The following PPP3CA variants were observed in gnomAD, a reference collection of about 807,000 sequenced individuals.
PPP3CA encodes the protein protein phosphatase 3 catalytic subunit alpha.
Under a neutral mutation model 66.5 loss-of-function variants are expected in PPP3CA, and 14 were observed. That is an observed-to-expected ratio of 0.21 (90% CI 0.14 to 0.33). The LOEUF (loss-of-function observed/expected upper bound fraction) is 0.33. Among genes scored for constraint, PPP3CA ranks in the 10% least tolerant of loss-of-function variants. PPP3CA has a pLI of 1.00. For synonymous variants in PPP3CA, 232 were observed against 226.2 expected (o/e 1.03, Z -0.23); for missense variants, 317 against 639.5 (o/e 0.50, Z 5.44).
At chr4:101,136,958 G>A (rs916750352) in intron 2 of PPP3CA, among the ~76,000 whole-genome samples, 4 of 152,052 alleles carry the variant, frequency 2.6e-5, no homozygotes, top group Admixed American at 6.5e-5. Context: ...AACTGAGTTC[G>A]TGCATGAGCG....
chr4:101,111,933 A>G (rs1014281556), intron 2 of PPP3CA, among the ~76,000 whole-genome samples: 2 of 152,168 alleles, frequency 1.3e-5, no homozygotes, highest in African/African-American at 4.8e-5. Flanking sequence ...GGTGGGAGGA[A>G]TAAGGAGTGG....
intron 8 of PPP3CA, among the ~76,000 whole-genome samples, chr4:101,078,879 T>C (rs551584205): frequency 6.6e-6 from 1 of 152,262 alleles, no homozygotes; most frequent in East Asian, 1.9e-4. Context: ...GCAGAGAACA[T>C]GTTTTATTTT....
At chr4:101,031,340 A>ATATT (rs1385659341) in intron 12 of PPP3CA, among the ~76,000 whole-genome samples, 3 of 152,182 alleles carry the variant, frequency 2.0e-5, no homozygotes, top group Non-Finnish European at 2.9e-5. Context: ...ATGTTATAGC[A>ATATT]TATTTTCATT....
At position 101,222,916 on chromosome 4, in the gene PPP3CA, C is replaced by T. The variant is rs183248276; in HGVS notation, c.59-26800G>A. 3.8e-3 allele frequency among the ~76,000 whole-genome samples: 584 copies of T among 151,830 alleles called. 4 individuals carry two copies. The highest frequency in any genetic ancestry group is 0.013 in the African/African-American group (556 of 41,500). ...ACAAGTTAAAATTTAATTATCCATG[C>T]CAATCATGCAGGTCAGTGGTGCACT... On this transcript the variant is annotated intron_variant, in intron 1 of 13. Coordinates refer to ENST00000394854, the MANE Select transcript of PPP3CA (RefSeq NM_000944.5).
At chr4:101,027,802 GAT>G (rs1418285071) in intron 13 of PPP3CA, among the ~76,000 whole-genome samples, 3 of 152,100 alleles carry the variant, frequency 2.0e-5, no homozygotes, top group Non-Finnish European at 4.4e-5. Context: ...TAGAACAATG[GAT>G]ACTTCTGGAA....
intron 1 of PPP3CA, among the ~76,000 whole-genome samples, chr4:101,333,270 GTTTTTTTTTTTTTTTTTTTTTTT>G (rs70961788): frequency 6.1e-4 from 29 of 47,268 alleles, no homozygotes; most frequent in African/African-American, 1.5e-3. Context: ...ACCATGCCCA[GTTTTTTTTTTTTTTTTTTTTTTT>G]TTTTTTTTTT....
intron 2 of PPP3CA, among the ~76,000 whole-genome samples, chr4:101,137,917 C>CA (rs1374928257): frequency 6.7e-6 from 1 of 149,750 alleles, no homozygotes; most frequent in Non-Finnish European, 1.5e-5. Flanking sequence ...CACACATGCA[C>CA]AAAAAAATAA....
At chr4:101,251,164 T>C (rs1726665222) in intron 1 of PPP3CA, among the ~76,000 whole-genome samples, 1 of 151,958 alleles carries the variant, frequency 6.6e-6, no homozygotes, top group Non-Finnish European at 1.5e-5. Flanking sequence ...CTCATAAAAT[T>C]ATATCATATG....
At chr4:101,192,418 TTCA>T (rs764284971) in intron 2 of PPP3CA, among the ~76,000 whole-genome samples, 21 of 152,078 alleles carry the variant, frequency 1.4e-4, no homozygotes, top group Non-Finnish European at 2.9e-4. Context: ...CAAAGATCCC[TTCA>T]ACCCCCATTC....
chr4:101,248,633 T>C (rs908025391), intron 1 of PPP3CA, among the ~76,000 whole-genome samples: 1 of 152,216 alleles, frequency 6.6e-6, no homozygotes, highest in Non-Finnish European at 1.5e-5. Flanking sequence ...ATACTGTTGA[T>C]AAAACAAAAA....
intron 1 of PPP3CA, among the ~76,000 whole-genome samples, chr4:101,258,439 AC>A (rs371375687): frequency 1.8e-4 from 27 of 152,200 alleles, no homozygotes; most frequent in South Asian, 1.5e-3. Context: ...CAAGAAGATA[AC>A]CTATATGTTC....
intron 1 of PPP3CA, among the ~76,000 whole-genome samples, chr4:101,307,282 T>C (rs1560709769): frequency 6.6e-6 from 1 of 152,032 alleles, no homozygotes; most frequent in Non-Finnish European, 1.5e-5. Context: ...CTAGCTCCAC[T>C]TGTGATTACA....
intron 1 of PPP3CA, among the ~76,000 whole-genome samples, chr4:101,231,693 T>C (rs1347210008): frequency 6.6e-6 from 1 of 151,774 alleles, no homozygotes; most frequent in East Asian, 1.9e-4. Context: ...GATATTTGTC[T>C]GTGTCCCTCC....
chr4:101,210,143 T>G (rs2135611), intron 1 of PPP3CA, among the ~76,000 whole-genome samples: 66,159 of 151,966 alleles, frequency 0.44, 16,611 homozygotes, highest in Middle Eastern at 0.63. Flanking sequence ...ACCATTACCA[T>G]AGTAACCATC....
intron 2 of PPP3CA, among the ~76,000 whole-genome samples, chr4:101,145,435 C>T (rs970002885): frequency 1.3e-5 from 2 of 152,024 alleles, no homozygotes; most frequent in Non-Finnish European, 2.9e-5. Context: ...TAAGGGAGTG[C>T]TATTTAGCCA....
chr4:101,269,925 T>C (rs1727284770), intron 1 of PPP3CA, among the ~76,000 whole-genome samples: 1 of 152,166 alleles, frequency 6.6e-6, no homozygotes, highest in Non-Finnish European at 1.5e-5. Context: ...CATAAAATGT[T>C]GGTTAACCCA....
chr4:101,334,561 T>C (rs1156589417), intron 1 of PPP3CA, among the ~76,000 whole-genome samples: 1 of 152,096 alleles, frequency 6.6e-6, no homozygotes, highest in Non-Finnish European at 1.5e-5. Flanking sequence ...AGGAAAAAAA[T>C]TTAAATTAGT....
chr4:101,164,521 G>A (rs950553662), intron 2 of PPP3CA, among the ~76,000 whole-genome samples: 1 of 147,772 alleles, frequency 6.8e-6, no homozygotes, highest in East Asian at 2.0e-4. Context: ...GGTCCTATCA[G>A]TTCTGTATAA....
At chr4:101,265,106 T>G (rs1018550656) in intron 1 of PPP3CA, among the ~76,000 whole-genome samples, 6 of 152,150 alleles carry the variant, frequency 3.9e-5, no homozygotes, top group African/African-American at 1.4e-4. Context: ...TATAATTTGT[T>G]AGCCATATGA....
Sources: gnomAD v4.1 joint callset for allele counts (sites outside exome capture counted in the v4.1 genomes callset) on GRCh38, gnomAD v4.1.1 for gene constraint, MANE v1.5 for transcripts, NCBI Gene and HGNC (gene_info 2026-07-23, HGNC 2026-07-21) for gene names.